The following CAMSAP2 variants were observed in gnomAD, a reference collection of about 807,000 sequenced individuals.
CAMSAP2 encodes calmodulin-regulated spectrin-associated protein 2.
A neutral mutation model predicts 146.1 loss-of-function variants in CAMSAP2; 26 were observed. The ratio of observed to expected loss-of-function variants is 0.18; its 90% CI spans 0.13 to 0.25. The LOEUF (loss-of-function observed/expected upper bound fraction) is 0.25, where lower values mean the gene tolerates loss of function less well. Among genes scored for constraint, CAMSAP2 ranks in the 10% least tolerant of loss-of-function variants. The probability of loss-of-function intolerance (pLI) is 1.00; values close to 1 mark genes in which losing one functional copy is unlikely to be tolerated. For synonymous variants in CAMSAP2, 499 were observed against 596.6 expected, an observed-to-expected ratio of 0.84 and a Z score of 2.38; for missense variants, 1,381 against 1,759.3, an observed-to-expected ratio of 0.78 and a Z score of 3.85.
intron 2 of CAMSAP2, among the ~76,000 whole-genome samples, chr1:200,767,501 T>C (rs1664988284): frequency 6.8e-6 from 1 of 147,352 alleles, no homozygotes; most frequent in Admixed American, 6.8e-5. Context: ...TTTTTAAACA[T>C]ATTGGTCTTA....
At chr1:200,740,299 G>A (rs1209241134) in intron 1 of CAMSAP2, among the ~76,000 whole-genome samples, 1 of 150,818 alleles carries the variant, frequency 6.6e-6, no homozygotes, top group African/African-American at 2.4e-5. Context: ...GTACATTTCT[G>A]CCTCAGTCAT....
chr1:200,860,564 G>A lies in CAMSAP2; in HGVS notation c.*2505G>A, dbSNP rs956037925. ...TGTTGAGCAATGTACAGTGTATGGT[G>A]TGCTTACCTGTCCACTCTAGAGCAT... On this transcript the variant is annotated 3_prime_UTR_variant, in exon 17 of 17. Transcript: ENST00000358823. The A allele has an allele frequency of 6.6e-6, 1 of 152,280 alleles. No homozygotes were observed. Among genetic ancestry groups the A allele is most frequent in the African/African-American group, 2.4e-5 (1 of 41,432 alleles). The allele number at this position is 152,280 out of a possible 1,614,324, so 9.4% of individuals were successfully genotyped here. A position where few individuals can be genotyped will look rare whatever the true frequency, so the allele number is the denominator to read the frequency against.
At chr1:200,810,888 CA>C (rs955835911) in intron 3 of CAMSAP2, among the ~76,000 whole-genome samples, 4 of 150,270 alleles carry the variant, frequency 2.7e-5, no homozygotes, top group South Asian at 2.1e-4. Flanking sequence ...AACTCCATCT[CA>C]AAAAAAAACC....
At chr1:200,752,774 G>A (rs1296771389) in intron 1 of CAMSAP2, among the ~76,000 whole-genome samples, 1 of 151,886 alleles carries the variant, frequency 6.6e-6, no homozygotes, top group African/African-American at 2.4e-5. Context: ...CCGCCACCAC[G>A]CACGGCTAAT....
Position 200,849,945 on chromosome 1 carries a change from A to G in CAMSAP2, c.3176A>G (p.Glu1059Gly). The change falls in exon 11 of 17, where the codon GAA (glutamate) becomes GGA (glycine). Residue 1059 changes from glutamate to glycine, a missense_variant. Physicochemically the swap from Glu to Gly is moderately conservative, Grantham distance 98. Coordinates refer to ENST00000358823, the MANE Select transcript of CAMSAP2 (RefSeq NM_203459.4). This position sits in a 1 kb window ranked among gnomAD's most constrained non-coding sequence, Gnocchi z 6.3. Reference sequence around the variant, plus strand: ...GAACAGCGTGGACATAATCCAGAAGAAAAGGAAATCAAACCTTTTGAGTCA... The same window carrying G: ...GAACAGCGTGGACATAATCCAGAAGGAAAGGAAATCAAACCTTTTGAGTCA... ...TLEQRGHNPE[E>G]KEIKPFESTV... The G allele has an allele frequency of 6.2e-7, 1 of 1,614,194 alleles. No individual in the cohort carries two copies.
At position 200,850,055 on chromosome 1, in the gene CAMSAP2, C is replaced by A; in HGVS notation, c.3286C>A (p.Pro1096Thr). 1 of 1,611,826 alleles carries A rather than the reference C, an allele frequency of 6.2e-7. No homozygotes were observed. Among genetic ancestry groups the A allele is most frequent in the Non-Finnish European group, 8.5e-7 (1 of 1,179,088 alleles). The stretch of plus-strand genomic sequence containing the variant: ...GGACCAATTGAATCAACCCACAGAA[C>A]CCCCTCCTAAACCCGTTTTCCCACC... ...NEDQLNQPTE[P>T]PPKPVFPPTA... The change falls in exon 11 of 17, where the codon CCC (proline) becomes ACC (threonine). Residue 1096 changes from proline (P) to threonine (T), a missense_variant. Coordinates refer to ENST00000358823, the MANE Select transcript of CAMSAP2 (RefSeq NM_203459.4).
chr1:200,817,162 ACACGTGTGTG>A (rs1666594044), intron 4 of CAMSAP2, among the ~76,000 whole-genome samples: 6 of 90,816 alleles, frequency 6.6e-5, no homozygotes, highest in African/African-American at 3.2e-4. Context: ...ACACATACAC[ACACGTGTGTG>A]TATATACACA....
intron 14 of CAMSAP2, among the ~76,000 whole-genome samples, chr1:200,855,645 A>G (rs530645167): frequency 6.6e-6 from 1 of 151,932 alleles, no homozygotes; most frequent in East Asian, 1.9e-4. Flanking sequence ...TGCCCAGGCT[A>G]GAGTGCAGTG....
At chr1:200,804,248 C>G (rs964685602) in intron 2 of CAMSAP2, among the ~76,000 whole-genome samples, 1 of 151,910 alleles carries the variant, frequency 6.6e-6, no homozygotes, top group Non-Finnish European at 1.5e-5. Flanking sequence ...TTTCTTGTTT[C>G]TTGTCTGTTT....
intron 1 of CAMSAP2, among the ~76,000 whole-genome samples, chr1:200,754,452 T>A (rs1664590885): frequency 6.6e-6 from 1 of 152,174 alleles, no homozygotes; most frequent in Non-Finnish European, 1.5e-5. Context: ...ATCCTGTTCA[T>A]TAAACTGTTA....
chr1:200,840,354 C>G (rs2102233292), intron 6 of CAMSAP2, among the ~76,000 whole-genome samples: 1 of 152,056 alleles, frequency 6.6e-6, no homozygotes, highest in South Asian at 2.1e-4. Flanking sequence ...GCACAATCAG[C>G]CAAATCCTGG....
chr1:200,811,650 G>A (rs1268022565), intron 3 of CAMSAP2, among the ~76,000 whole-genome samples: 1 of 152,060 alleles, frequency 6.6e-6, no homozygotes, highest in East Asian at 1.9e-4. Flanking sequence ...CTCTCTGCGG[G>A]GATTAGTGTG....
At chr1:200,816,951 CACACACACGCGT>C in intron 4 of CAMSAP2, among the ~76,000 whole-genome samples, 1 of 52,610 alleles carries the variant, frequency 1.9e-5, no homozygotes. Context: ...TATGTGTGTA[CACACACACGCGT>C]GTGTATGTGT....
At chr1:200,792,746 A>G (rs1245078969) in intron 2 of CAMSAP2, among the ~76,000 whole-genome samples, 2 of 152,214 alleles carry the variant, frequency 1.3e-5, no homozygotes, top group African/African-American at 4.8e-5. Flanking sequence ...ATAGAAATGG[A>G]GAACAGATTA....
At chr1:200,845,081 G>A (rs1667424704) in intron 8 of CAMSAP2, among the ~76,000 whole-genome samples, 1 of 152,094 alleles carries the variant, frequency 6.6e-6, no homozygotes, top group Non-Finnish European at 1.5e-5. Context: ...GAAAAGATGG[G>A]ACAATATATT....
intron 1 of CAMSAP2, among the ~76,000 whole-genome samples, chr1:200,745,818 A>G (rs1664305522): frequency 6.6e-6 from 1 of 152,226 alleles, no homozygotes; most frequent in South Asian, 2.1e-4. Flanking sequence ...CTTATTTTCT[A>G]ATTTACGTTT....
At position 200,786,289 on chromosome 1, in the gene CAMSAP2, A is replaced by T. The variant is rs185860230; in HGVS notation, c.400-21087A>T. Among the ~76,000 whole-genome samples, 179 of 151,740 alleles carry T rather than the reference A, an allele frequency of 1.2e-3. 2 individuals are homozygous for T. The highest frequency in any genetic ancestry group is 2.4e-3 in the Non-Finnish European group (160 of 67,910). ...TTTCTTTTTCTTATTTTGGCTTTTT[A>T]AAAAAATCTAGCTTCTTAAGATGTA... On this transcript the variant is annotated intron_variant, in intron 2 of 16. Transcript: ENST00000358823.
At chr1:200,786,383 C>CT (rs774638509) in intron 2 of CAMSAP2, among the ~76,000 whole-genome samples, 211 of 143,298 alleles carry the variant, frequency 1.5e-3, no homozygotes, top group Middle Eastern at 7.2e-3. Flanking sequence ...AAATTGCTTT[C>CT]TTTTTTTTTT....
chr1:200,834,558 T>C (rs1362314045), intron 6 of CAMSAP2, among the ~76,000 whole-genome samples: 1 of 152,192 alleles, frequency 6.6e-6, no homozygotes, highest in African/African-American at 2.4e-5. Context: ...ATAAAGTCAA[T>C]TCAGAAATCA....
Sources: allele counts gnomAD v4.1 joint callset (sites outside exome capture counted in the v4.1 genomes callset), GRCh38; gene constraint gnomAD v4.1.1; non-coding constraint Gnocchi (gnomAD v3.1); transcripts MANE v1.5; gene names NCBI Gene and HGNC (gene_info 2026-07-23, HGNC 2026-07-21).